The following B4GALT5 variants were observed in gnomAD, a reference collection of about 807,000 sequenced individuals.
The protein encoded by B4GALT5 is beta-1,4-galactosyltransferase 5, also known as UDP-Gal:beta-GlcNAc beta-1,4-galactosyltransferase 5.
Under a neutral mutation model 45.0 loss-of-function variants are expected in B4GALT5, and 11 were observed. That is an observed-to-expected ratio of 0.24 (90% CI 0.15 to 0.40). The LOEUF (loss-of-function observed/expected upper bound fraction) is 0.40, where lower values mean the gene tolerates loss of function less well. Among genes scored for constraint, B4GALT5 ranks in the 10% least tolerant of loss-of-function variants. The pLI is 1.00. For missense variants in B4GALT5, 337 were observed against 500.2 expected (o/e 0.67, Z 3.11); for synonymous variants, 185 against 182.9 (o/e 1.01, Z -0.09).
intron 5 of B4GALT5, among the ~76,000 whole-genome samples, chr20:49,641,669 C>T (rs938589510): frequency 6.6e-6 from 1 of 152,206 alleles, no homozygotes; most frequent in Non-Finnish European, 1.5e-5. Flanking sequence ...CACTTAACAG[C>T]AACTCAGACT....
intron 1 of B4GALT5, among the ~76,000 whole-genome samples, chr20:49,679,044 T>C (rs569857479): frequency 2.0e-5 from 3 of 152,298 alleles, no homozygotes; most frequent in South Asian, 2.1e-4. Context: ...GACCCAAAGT[T>C]AACCACAATA....
At chr20:49,647,712 C>G (rs1024031823) in intron 2 of B4GALT5, among the ~76,000 whole-genome samples, 1 of 152,226 alleles carries the variant, frequency 6.6e-6, no homozygotes, top group African/African-American at 2.4e-5. Context: ...TGCAATGATT[C>G]TAATTCAACA....
intron 7 of B4GALT5, 53 bp from the exon 8 acceptor site, chr20:49,637,495 GTGA>G (rs2085559137): frequency 7.4e-7 from 1 of 1,351,944 alleles, no homozygotes; most frequent in Admixed American, 1.7e-5. Flanking sequence ...TAGCCCAGGA[GTGA>G]CCAAAGCCTA....
At position 49,669,304 on chromosome 20, in the gene B4GALT5, T is replaced by C. The variant is rs930928564; in HGVS notation, c.116-12602A>G. ...TGACCTCTACAAATTTGAGCATGTC[T>C]CTCTCTTCCAATAGACTGTAAGCTC... On this transcript the variant is annotated intron_variant, in intron 1 of 8. Coordinates refer to ENST00000371711, the MANE Select transcript of B4GALT5 (RefSeq NM_004776.4). Among the ~76,000 whole-genome samples the C allele has an allele frequency of 1.6e-4, 25 of 152,186 alleles. 1 individual carries two copies. Among genetic ancestry groups the C allele is most frequent in the Admixed American group, 2.6e-4 (4 of 15,284 alleles).
intron 2 of B4GALT5, among the ~76,000 whole-genome samples, chr20:49,649,885 G>A (rs2085614122): frequency 6.6e-6 from 1 of 152,126 alleles, no homozygotes; most frequent in South Asian, 2.1e-4. Flanking sequence ...AACATGTATT[G>A]GCACAGTCAA....
In B4GALT5 at chr20:49,663,684, A is replaced by AAGAAAG. The variant is rs1303944733; in HGVS notation, c.116-6983_116-6982insCTTTCT. ...TGAGAATTCATCTCAAGAAAAAAAA[A>AAGAAAG]AAAAAAATATATACATATATATATA... On this transcript the variant is annotated intron_variant, in intron 1 of 8. Transcript: ENST00000371711. 2.3e-4 allele frequency among the ~76,000 whole-genome samples: 17 copies of AAGAAAG among 75,172 alleles called. 2 individuals carry two copies. The highest frequency in any genetic ancestry group is 7.9e-4 in the African/African-American group (14 of 17,668). 49.3% of individuals were successfully genotyped at this position (75,172 alleles called of 152,430 possible).
intron 1 of B4GALT5, among the ~76,000 whole-genome samples, chr20:49,658,283 G>C (rs2085651455): frequency 6.6e-6 from 1 of 152,164 alleles, no homozygotes; most frequent in Non-Finnish European, 1.5e-5. Flanking sequence ...TCTATTTCCA[G>C]CAGATAGGAC....
intron 1 of B4GALT5, among the ~76,000 whole-genome samples, chr20:49,702,178 A>G (rs1286976188): frequency 2.6e-5 from 4 of 152,228 alleles, no homozygotes; most frequent in Non-Finnish European, 5.9e-5. Flanking sequence ...TCGCCTGCCG[A>G]ATCCGAATCT....
intron 4 of B4GALT5, 84 bp downstream of exon 4, chr20:49,643,442 G>A: frequency 6.6e-7 from 1 of 1,525,238 alleles, no homozygotes; most frequent in Non-Finnish European, 8.9e-7. Flanking sequence ...AAAATGTCAT[G>A]GTTAGCTAAT....
At chr20:49,652,197 T>C (rs1473006732) in intron 2 of B4GALT5, among the ~76,000 whole-genome samples, 1 of 152,074 alleles carries the variant, frequency 6.6e-6, no homozygotes, top group South Asian at 2.1e-4. Flanking sequence ...GGAATTCCAA[T>C]GTATAGCTAA....
In B4GALT5 at chr20:49,633,797, T is replaced by A. The variant is rs1327622412; in HGVS notation, c.*2515A>T. 3 of 152,064 alleles carry A rather than the reference T, an allele frequency of 2.0e-5. No individual in the cohort carries two copies. Among genetic ancestry groups the A allele is most frequent in the African/African-American group, 7.3e-5 (3 of 40,966 alleles). 9.4% of individuals were successfully genotyped at this position (152,064 alleles called of 1,614,324 possible). On this transcript the variant is annotated 3_prime_UTR_variant, in exon 9 of 9. Coordinates refer to ENST00000371711, the MANE Select transcript of B4GALT5 (RefSeq NM_004776.4). ...CACATACGGCACCCAGGACTCAGAA[T>A]CAGTCTGTCCTGGCAAATCCTTCCA... is the stretch of plus-strand genomic sequence containing the variant.
Position 49,708,344 on chromosome 20 carries a change from T to C in B4GALT5, c.115+5232A>G. 1.3e-5 allele frequency among the ~76,000 whole-genome samples: 2 copies of C among 152,228 alleles called. 1 individual carries two copies. The highest frequency in any genetic ancestry group is 2.9e-5 in the Non-Finnish European group (2 of 68,044). Reference sequence around the variant, plus strand: ...CATTCTATATATGAAAGCATCTCACTAGCTTTATTGAGGTATGATTTCTTA... The same window carrying C: ...CATTCTATATATGAAAGCATCTCACCAGCTTTATTGAGGTATGATTTCTTA... On this transcript the variant is annotated intron_variant, in intron 1 of 8. Transcript: ENST00000371711.
At position 49,697,341 on chromosome 20, in the gene B4GALT5, G is replaced by A. The variant is rs567150772; in HGVS notation, c.115+16235C>T. On this transcript the variant is annotated intron_variant, in intron 1 of 8. Coordinates refer to ENST00000371711, the MANE Select transcript of B4GALT5 (RefSeq NM_004776.4). Reference sequence around the variant, plus strand: ...GCACAGCCTGGAAGGTTTACCCTTCGCAGAGACGCTTGCTCTTGGACTTCT... The same window carrying A: ...GCACAGCCTGGAAGGTTTACCCTTCACAGAGACGCTTGCTCTTGGACTTCT... 5.3e-5 allele frequency among the ~76,000 whole-genome samples: 8 copies of A among 152,338 alleles called. No homozygotes were observed. In the South Asian group the frequency reaches 8.3e-4, roughly 16 times the overall value.
chr20:49,647,434 T>C (rs1275257289), intron 2 of B4GALT5, among the ~76,000 whole-genome samples: 3 of 152,224 alleles, frequency 2.0e-5, no homozygotes, highest in Admixed American at 1.3e-4. Flanking sequence ...TCAGCATTTA[T>C]ATGCAGTATT....
chr20:49,668,887 T>A (rs1269998075), intron 1 of B4GALT5, among the ~76,000 whole-genome samples: 7 of 151,952 alleles, frequency 4.6e-5, no homozygotes, highest in Non-Finnish European at 8.8e-5. Context: ...TTTTAGACAG[T>A]GTCTCGTCCT....
chr20:49,661,279 A>C (rs1260229205), intron 1 of B4GALT5, among the ~76,000 whole-genome samples: 2 of 152,110 alleles, frequency 1.3e-5, no homozygotes, highest in Non-Finnish European at 2.9e-5. Flanking sequence ...TCTGTCGCCC[A>C]AGCTGGAGTG....
chr20:49,685,161 G>A (rs919977401), intron 1 of B4GALT5, among the ~76,000 whole-genome samples: 5 of 152,090 alleles, frequency 3.3e-5, no homozygotes, highest in African/African-American at 7.2e-5. Context: ...ACACCACTCC[G>A]CATCAGGTGA....
chr20:49,640,802 A>C, intron 5 of B4GALT5, 137 bp from the exon 6 acceptor site: 8 of 832,428 alleles, frequency 9.6e-6, no homozygotes, highest in Non-Finnish European at 1.3e-5. Flanking sequence ...AACACCACAA[A>C]TCAACTCACA....
At chr20:49,677,735 T>TTGAC (rs1263793482) in intron 1 of B4GALT5, among the ~76,000 whole-genome samples, 1 of 150,292 alleles carries the variant, frequency 6.7e-6, no homozygotes, top group Non-Finnish European at 1.5e-5. Flanking sequence ...TGAAATATCT[T>TTGAC]TGATTGATTG....
Sources: allele counts gnomAD v4.1 joint callset (sites outside exome capture counted in the v4.1 genomes callset), GRCh38; gene constraint gnomAD v4.1.1; transcripts MANE v1.5; gene names NCBI Gene and HGNC (gene_info 2026-07-23, HGNC 2026-07-21).